Variants in USP14 observed in about 807,000 individuals in gnomAD.
USP14 encodes the protein ubiquitin specific peptidase 14.
USP14 carries 38 observed loss-of-function variants against 76.5 expected under a neutral mutation model. The observed-to-expected ratio is 0.50, with a 90% CI of 0.38 to 0.65. The LOEUF is 0.65. Among genes scored for constraint, USP14 ranks in the 30% least tolerant of loss-of-function variants. The pLI is 0.00. For synonymous variants in USP14, 192 were observed against 191.7 expected, an observed-to-expected ratio of 1.00 and a Z score of -0.01; for missense variants, 467 against 586.5, an observed-to-expected ratio of 0.80 and a Z score of 2.10.
Position 159,544 on chromosome 18 carries a change from GTTTA to G in USP14, c.16+833_16+836del, listed in dbSNP as rs1239589482. Among the ~76,000 whole-genome samples the G allele has an allele frequency of 2.0e-5, 3 of 152,152 alleles. No individual in the cohort carries two copies. The East Asian group carries it at 5.8e-4, about 29-fold the overall frequency. On this transcript the variant is annotated intron_variant, in intron 1 of 15. Coordinates refer to ENST00000261601, the MANE Select transcript of USP14 (RefSeq NM_005151.4). ...GGTGTGTGATTCGTTGACCATCCCT[GTTTA>G]TTCTGTTACAGTTCCTTTATTGAAG...
At chr18:181,571 C>T (rs951298556) in intron 5 of USP14, among the ~76,000 whole-genome samples, 16 of 152,112 alleles carry the variant, frequency 1.1e-4, no homozygotes, top group African/African-American at 3.9e-4. Flanking sequence ...ATACAAGTTC[C>T]TTACCCAATG....
At chr18:181,802 T>C (rs1909795617) in intron 5 of USP14, among the ~76,000 whole-genome samples, 1 of 152,198 alleles carries the variant, frequency 6.6e-6, no homozygotes, top group South Asian at 2.1e-4. Context: ...AGCCATTGTC[T>C]AATTCTAGGT....
At chr18:203,894 T>C (rs1325834171) in intron 12 of USP14, among the ~76,000 whole-genome samples, 1 of 152,060 alleles carries the variant, frequency 6.6e-6, no homozygotes, top group Non-Finnish European at 1.5e-5. Flanking sequence ...GGAGAAAGAG[T>C]TAAATCACTG....
chr18:163,401 C>G lies in USP14; in HGVS notation c.110C>G (p.Thr37Ser), dbSNP rs866288954. ...MVFKAQLFAL[T>S]GVQPARQKVM... ...TTCAAGGCTCAGCTGTTTGCGTTGACTGGAGTCCAGCCTGCCAGACAGAAA... is the reference window on the plus strand; with the variant it reads ...TTCAAGGCTCAGCTGTTTGCGTTGAGTGGAGTCCAGCCTGCCAGACAGAAA... Residue 37 changes from threonine (T) to serine (S), a missense_variant, in exon 2 of 16, where the codon ACT (threonine) becomes AGT (serine). By Grantham distance (58) the Thr-to-Ser change is moderately conservative (BLOSUM62 1). Transcript: ENST00000261601. 3.7e-6 allele frequency: 6 copies of G among 1,613,870 alleles called. No homozygotes were observed. The highest frequency in any genetic ancestry group is 1.6e-4 in the Middle Eastern group (1 of 6,062).
In USP14 at chr18:197,623, A is replaced by G; in HGVS notation, c.602A>G (p.Asn201Ser). ...TCTTTTTTTACATTACAGGATGCTAATGAATGTTGGATACAAATGATGCGA... is the reference window on the plus strand; with the variant it reads ...TCTTTTTTTACATTACAGGATGCTAGTGAATGTTGGATACAAATGATGCGA... ...EQGQYLQQDANECWIQMMRVL... is the reference protein window; with the variant it reads ...EQGQYLQQDASECWIQMMRVL... Residue 201 changes from asparagine to serine, a missense_variant, in exon 8 of 16, where the codon AAT (asparagine) becomes AGT (serine). Coordinates refer to ENST00000261601, the MANE Select transcript of USP14 (RefSeq NM_005151.4). 1 of 1,611,546 alleles carries G rather than the reference A, an allele frequency of 6.2e-7. No homozygotes were observed. Among genetic ancestry groups the G allele is most frequent in the Non-Finnish European group, 8.5e-7 (1 of 1,178,468 alleles).
chr18:171,023 A>AT (rs1555762329), intron 3 of USP14, among the ~76,000 whole-genome samples: 716 of 46,494 alleles, frequency 0.015, 5 homozygotes, highest in Middle Eastern at 0.026. Flanking sequence ...AAAAAAAAAA[A>AT]AAATATATAT....
chr18:201,875 CT>C (rs1910392731), intron 10 of USP14, among the ~76,000 whole-genome samples: 1 of 152,102 alleles, frequency 6.6e-6, no homozygotes, highest in Admixed American at 6.5e-5. Flanking sequence ...TATTTATTTC[CT>C]TTATAACTTT....
intron 3 of USP14, among the ~76,000 whole-genome samples, chr18:176,882 T>G (rs1909642259): frequency 6.6e-6 from 1 of 152,094 alleles, no homozygotes; most frequent in South Asian, 2.1e-4. Context: ...GTATAATCCC[T>G]TTTCCTAATA....
chr18:197,031 G>T (rs1429702489), intron 7 of USP14, among the ~76,000 whole-genome samples: 1 of 152,166 alleles, frequency 6.6e-6, no homozygotes, highest in Non-Finnish European at 1.5e-5. Flanking sequence ...GTACTCCCTA[G>T]TGATTTTCTA....
intron 2 of USP14, among the ~76,000 whole-genome samples, chr18:166,073 A>G (rs570840450): frequency 6.6e-5 from 10 of 152,342 alleles, no homozygotes; most frequent in African/African-American, 2.2e-4. Flanking sequence ...TAGATGCGTT[A>G]TAGACATTAA....
At chr18:196,892 C>T in intron 7 of USP14, 125 bp downstream of exon 7, 5 of 1,266,008 alleles carry the variant, frequency 3.9e-6, no homozygotes. Context: ...CCACGGCTGT[C>T]TCTTGCCTGG....
intron 5 of USP14, among the ~76,000 whole-genome samples, chr18:185,118 G>GT (rs1188882603): frequency 1.3e-5 from 2 of 151,972 alleles, no homozygotes; most frequent in African/African-American, 4.8e-5. Context: ...AGCGTTAACA[G>GT]TTACTAGGTT....
intron 6 of USP14, among the ~76,000 whole-genome samples, chr18:193,618 A>G (rs1910151724): frequency 6.6e-6 from 1 of 152,102 alleles, no homozygotes; most frequent in Non-Finnish European, 1.5e-5. Context: ...AGCCCTACCC[A>G]TTTATCTATG....
Position 204,681 on chromosome 18 carries a change from C to A in USP14, c.1153C>A (p.Gln385Lys). 6.2e-7 allele frequency: 1 copy of A among 1,611,894 alleles called. No homozygotes were observed. The highest frequency in any genetic ancestry group is 2.2e-5 in the East Asian group (1 of 44,736). Reference protein sequence around the residue: ...KDLEDKKVNQQPNTSDKKSSP... With the variant: ...KDLEDKKVNQKPNTSDKKSSP... ...TCTAGAAGATAAAAAAGTGAATCAGCAGCCAAATACAGTAGGTTCTTACTG... is the reference window on the plus strand; with the variant it reads ...TCTAGAAGATAAAAAAGTGAATCAGAAGCCAAATACAGTAGGTTCTTACTG... The change falls in exon 13 of 16, where the codon CAG becomes AAG. Residue 385 changes from glutamine (Q) to lysine (K), a missense_variant. Transcript: ENST00000261601.
chr18:204,759 C>CT, intron 13 of USP14, 67 bp downstream of exon 13: 2 of 1,556,340 alleles, frequency 1.3e-6, no homozygotes, highest in South Asian at 1.2e-5. Flanking sequence ...AGCAATTACT[C>CT]TGTCTTTTTT....
intron 2 of USP14, among the ~76,000 whole-genome samples, chr18:164,676 A>T (rs559737534): frequency 7.3e-5 from 11 of 151,128 alleles, no homozygotes; most frequent in Admixed American, 5.9e-4. Flanking sequence ...TTGGTCTTGA[A>T]CTCCTGACCT....
At chr18:165,613 A>T (rs941819966) in intron 2 of USP14, among the ~76,000 whole-genome samples, 10 of 152,152 alleles carry the variant, frequency 6.6e-5, no homozygotes, top group African/African-American at 2.4e-4. Flanking sequence ...TCCATATCTT[A>T]TATATGAGGA....
At chr18:192,499 A>T (rs1338495020) in intron 5 of USP14, among the ~76,000 whole-genome samples, 1 of 152,222 alleles carries the variant, frequency 6.6e-6, no homozygotes. Context: ...CAGGAGGTAG[A>T]GGTTGCAGTG....
intron 1 of USP14, among the ~76,000 whole-genome samples, chr18:162,379 AAAG>A (rs1909145716): frequency 6.6e-6 from 1 of 152,220 alleles, no homozygotes; most frequent in Non-Finnish European, 1.5e-5. Flanking sequence ...TAAATTTTAA[AAAG>A]AATAGCCATT....
Sources: allele counts gnomAD v4.1 joint callset (sites outside exome capture counted in the v4.1 genomes callset), GRCh38; gene constraint gnomAD v4.1.1; transcripts MANE v1.5; gene names NCBI Gene and HGNC (gene_info 2026-07-23, HGNC 2026-07-21).